QRICH1: variants seen among roughly 807,000 people sequenced by gnomAD.
QRICH1 encodes the protein transcriptional regulator QRICH1.
In QRICH1, 16 loss-of-function variants were observed where a neutral mutation model predicts 87.1. The observed-to-expected ratio is 0.18, with a 90% CI of 0.12 to 0.28. The LOEUF (loss-of-function observed/expected upper bound fraction) is 0.28, where lower values mean the gene tolerates loss of function less well. QRICH1 is among the 10% of genes least tolerant of loss of function. The pLI is 1.00. For missense variants in QRICH1, 647 were observed against 951.7 expected (o/e 0.68, Z 4.21); for synonymous variants, 367 against 368.4 (o/e 1.00, Z 0.05).
chr3:49,057,225 C>G lies in QRICH1; in HGVS notation c.975G>C (p.Gln325His), dbSNP rs1034690235. 4 of 1,614,076 alleles carry G rather than the reference C, an allele frequency of 2.5e-6. No homozygotes were observed. The highest frequency in any genetic ancestry group is 3.4e-6 in the Non-Finnish European group (4 of 1,180,042). ...SAQPRGDPQQ[Q>H]SITHIAIPQE... ...GGGGAATGGCAATGTGGGTAATGCTCTGCTGCTGAGGGTCCCCCCGGGGCT... is the reference window on the plus strand; with the variant it reads ...GGGGAATGGCAATGTGGGTAATGCTGTGCTGCTGAGGGTCCCCCCGGGGCT... Residue 325 changes from glutamine (Q) to histidine (H), a missense_variant, in exon 3 of 10, where the codon CAG becomes CAC. By Grantham distance (24) the Gln-to-His change is conservative (BLOSUM62 0). Around this residue, in one of 7 missense-constraint regions of QRICH1, gnomAD observed 75 missense variants for 141.0 expected, o/e 0.53. Coordinates refer to ENST00000395443, the MANE Select transcript of QRICH1 (RefSeq NM_198880.3). The surrounding 1 kb of genome is among the most constrained non-coding windows in gnomAD (Gnocchi z 5.4).
intron 1 of QRICH1, among the ~76,000 whole-genome samples, chr3:49,080,605 T>C (rs561522091): frequency 3.3e-5 from 5 of 152,270 alleles, no homozygotes; most frequent in African/African-American, 1.2e-4. Flanking sequence ...ATGATCCTCC[T>C]AGTAACCCTA....
At chr3:49,079,011 A>C (rs1426123229) in intron 1 of QRICH1, among the ~76,000 whole-genome samples, 1 of 151,974 alleles carries the variant, frequency 6.6e-6, no homozygotes, top group Non-Finnish European at 1.5e-5. Flanking sequence ...CCATAGCTCC[A>C]CGGACTCAAG....
At chr3:49,043,305 G>T (rs2093321211) in intron 6 of QRICH1, among the ~76,000 whole-genome samples, 1 of 150,260 alleles carries the variant, frequency 6.7e-6, no homozygotes, top group African/African-American at 2.4e-5. Context: ...AGACCACCAT[G>T]ACCAATATGA....
intron 2 of QRICH1, 74 bp downstream of exon 2, chr3:49,076,635 T>G: frequency 1.2e-4 from 134 of 1,074,510 alleles, no homozygotes; most frequent in Non-Finnish European, 1.6e-4. Flanking sequence ...ATAGATGTGA[T>G]GAGCCCACTA....
chr3:49,047,770 A>C (rs991163064), intron 3 of QRICH1, among the ~76,000 whole-genome samples: 2 of 151,990 alleles, frequency 1.3e-5, no homozygotes, highest in Non-Finnish European at 2.9e-5. Context: ...GGCGTGAACC[A>C]CTGTGCCCGG....
chr3:49,058,451 G>A (rs765555486), intron 2 of QRICH1, among the ~76,000 whole-genome samples: 1 of 151,606 alleles, frequency 6.6e-6, no homozygotes, highest in Non-Finnish European at 1.5e-5. Flanking sequence ...CCAGCCTCCC[G>A]AGTATCTGGG....
At chr3:49,056,818 C>G in intron 3 of QRICH1, 44 bp downstream of exon 3, 1 of 1,613,804 alleles carries the variant, frequency 6.2e-7, no homozygotes, top group African/African-American at 1.3e-5. Context: ...GCACTGGGCC[C>G]TGAGGGACCA....
At chr3:49,087,837 A>AAAAAAAAAC (rs1283148564) in intron 1 of QRICH1, among the ~76,000 whole-genome samples, 1 of 149,512 alleles carries the variant, frequency 6.7e-6, no homozygotes, top group Admixed American at 6.7e-5. Flanking sequence ...AAAAAAAAAA[A>AAAAAAAAAC]AAGAACAATG....
intron 6 of QRICH1, among the ~76,000 whole-genome samples, chr3:49,042,428 T>C (rs1303615160): frequency 6.6e-6 from 1 of 151,970 alleles, no homozygotes; most frequent in African/African-American, 2.4e-5. Context: ...AAAGGCATAT[T>C]GCTAAATGAA....
intron 6 of QRICH1, among the ~76,000 whole-genome samples, chr3:49,034,519 G>A (rs758274335): frequency 2.2e-4 from 34 of 152,088 alleles, no homozygotes; most frequent in East Asian, 1.7e-3. Context: ...CACAATCATG[G>A]CTAACTGCAG....
rs10691654 is a variant in QRICH1, at chr3:49,034,079, T to TTTATTATTATTATTA, written c.1787-866_1787-852dup. 9.3e-3 allele frequency among the ~76,000 whole-genome samples: 1,365 copies of TTTATTATTATTATTA among 147,190 alleles called. 17 individuals are homozygous for TTTATTATTATTATTA. The highest frequency in any genetic ancestry group is 0.027 in the African/African-American group (1,098 of 40,258). ...AAGAGACTGATACTCTTTGGGGGAT[T>TTTATTATTATTATTA]TTATTATTATTATTATTATTATTAT... On this transcript the variant is annotated intron_variant, in intron 6 of 9. Coordinates refer to ENST00000395443, the MANE Select transcript of QRICH1 (RefSeq NM_198880.3).
intron 3 of QRICH1, among the ~76,000 whole-genome samples, chr3:49,048,788 C>CAA (rs1193026685): frequency 5.8e-5 from 3 of 51,760 alleles, no homozygotes; most frequent in Non-Finnish European, 8.3e-5. Context: ...ACTCTGTTCA[C>CAA]AAAAAAAAAA....
intron 1 of QRICH1, among the ~76,000 whole-genome samples, chr3:49,078,958 C>T (rs2042005505): frequency 1.3e-5 from 2 of 152,074 alleles, no homozygotes; most frequent in South Asian, 2.1e-4. Flanking sequence ...TCCCAAAGTG[C>T]TGGGATTATA....
intron 9 of QRICH1, 65 bp from the exon 10 acceptor site, chr3:49,030,709 TC>T: frequency 7.3e-7 from 1 of 1,365,170 alleles, no homozygotes; most frequent in South Asian, 1.4e-5. Flanking sequence ...ACCCTGAACT[TC>T]CCAGACAGAT....
At chr3:49,085,193 G>A (rs2042145766) in intron 1 of QRICH1, among the ~76,000 whole-genome samples, 1 of 152,008 alleles carries the variant, frequency 6.6e-6, no homozygotes, top group African/African-American at 2.4e-5. Context: ...TGTAGTAATG[G>A]TAAGACACAT....
At chr3:49,046,959 G>C in intron 4 of QRICH1, 110 bp downstream of exon 4, 1 of 1,223,964 alleles carries the variant, frequency 8.2e-7, no homozygotes, top group Non-Finnish European at 1.2e-6. Flanking sequence ...TACAGATGTT[G>C]CTCTCTTGTC....
At chr3:49,032,513 A>G (rs775751909) in intron 8 of QRICH1, 109 bp downstream of exon 8, 9 of 1,380,644 alleles carry the variant, frequency 6.5e-6, no homozygotes, top group Non-Finnish European at 8.9e-6. Flanking sequence ...GGAGAATTTT[A>G]TCCAGCAAAT....
intron 6 of QRICH1, among the ~76,000 whole-genome samples, chr3:49,037,879 T>C (rs938778040): frequency 6.6e-6 from 1 of 151,936 alleles, no homozygotes; most frequent in African/African-American, 2.4e-5. Flanking sequence ...CTCAGGAGGC[T>C]GAGGCAGAAT....
At chr3:49,066,790 C>A (rs1031510694) in intron 2 of QRICH1, among the ~76,000 whole-genome samples, 2 of 152,126 alleles carry the variant, frequency 1.3e-5, no homozygotes, top group Non-Finnish European at 2.9e-5. Context: ...GTAATCCTAG[C>A]ATTTTGGGAG....
Sources: allele counts gnomAD v4.1 joint callset (sites outside exome capture counted in the v4.1 genomes callset), GRCh38; gene constraint gnomAD v4.1.1; regional missense constraint gnomAD v4.1.1; non-coding constraint Gnocchi (gnomAD v3.1); transcripts MANE v1.5; gene names NCBI Gene and HGNC (gene_info 2026-07-23, HGNC 2026-07-21).